Variants in KCND2 observed in about 807,000 individuals in gnomAD.
KCND2 encodes the protein potassium voltage-gated channel subfamily D member 2.
A neutral mutation model predicts 54.4 loss-of-function variants in KCND2; 16 were observed. That is an observed-to-expected ratio of 0.29 (90% CI 0.20 to 0.45). The LOEUF is 0.45. Ranked by LOEUF, KCND2 falls within the 20% of genes least tolerant of loss-of-function variation. The pLI is 1.00. For missense variants in KCND2, 486 were observed against 824.2 expected (o/e 0.59, Z 5.02); for synonymous variants, 317 against 310.7 (o/e 1.02, Z -0.21).
intron 1 of KCND2, among the ~76,000 whole-genome samples, chr7:120,309,021 A>C (rs939577968): frequency 8.5e-5 from 13 of 152,196 alleles, no homozygotes; most frequent in Admixed American, 5.9e-4. Flanking sequence ...TGGGAAATAT[A>C]TGGGCAGTGG....
At chr7:120,679,099 TCTGGTAGCCTACC>T (rs988089729) in intron 1 of KCND2, among the ~76,000 whole-genome samples, 2 of 151,886 alleles carry the variant, frequency 1.3e-5, no homozygotes, top group Non-Finnish European at 2.9e-5. Context: ...TATTATTCCA[TCTGGTAGCCTACC>T]CTGAGGCTTT....
intron 1 of KCND2, among the ~76,000 whole-genome samples, chr7:120,306,189 T>C (rs2116304665): frequency 6.6e-6 from 1 of 152,236 alleles, no homozygotes; most frequent in Middle Eastern, 3.4e-3. Flanking sequence ...CATTGTGGTA[T>C]ATATCTCAAT....
At chr7:120,423,895 C>T (rs1318858683) in intron 1 of KCND2, among the ~76,000 whole-genome samples, 1 of 152,118 alleles carries the variant, frequency 6.6e-6, no homozygotes, top group Non-Finnish European at 1.5e-5. Flanking sequence ...TCGAACAAAA[C>T]CAGATATAAA....
In KCND2 at chr7:120,280,076, A is replaced by T. The variant is rs147094126; in HGVS notation, c.1115+4329A>T. Among the ~76,000 whole-genome samples, 1,350 of 152,158 alleles carry T rather than the reference A, an allele frequency of 8.9e-3. 17 individuals are homozygous for T. The highest frequency in any genetic ancestry group is 0.03 in the African/African-American group (1,265 of 41,562). On this transcript the variant is annotated intron_variant, in intron 1 of 5. Transcript: ENST00000331113. ...AATATAAAACTCTTTAAAAGGTAGG[A>T]AGTACCAAAATTTATCTTTCTGGTG...
intron 1 of KCND2, among the ~76,000 whole-genome samples, chr7:120,480,697 A>T (rs984728840): frequency 2.0e-5 from 3 of 152,094 alleles, no homozygotes; most frequent in African/African-American, 4.8e-5. Context: ...CCATGGGATG[A>T]CTCTTGCCAG....
At chr7:120,698,664 C>G (rs1160376218) in intron 1 of KCND2, among the ~76,000 whole-genome samples, 10 of 152,174 alleles carry the variant, frequency 6.6e-5, no homozygotes, top group African/African-American at 2.4e-4. Flanking sequence ...CCTACTGGTA[C>G]TAGACTGTGT....
intron 1 of KCND2, among the ~76,000 whole-genome samples, chr7:120,585,731 C>G (rs1792589943): frequency 6.6e-6 from 1 of 152,110 alleles, no homozygotes; most frequent in South Asian, 2.1e-4. Context: ...TAAAGAGAAA[C>G]AGGATCACTG....
chr7:120,698,813 T>A (rs1489266558), intron 1 of KCND2, among the ~76,000 whole-genome samples: 1 of 152,226 alleles, frequency 6.6e-6, no homozygotes, highest in African/African-American at 2.4e-5. Flanking sequence ...ATAAATCAGC[T>A]GTGTTCTTTG....
At chr7:120,280,524 C>A (rs547421319) in intron 1 of KCND2, among the ~76,000 whole-genome samples, 1 of 132,350 alleles carries the variant, frequency 7.6e-6, no homozygotes, top group Non-Finnish European at 1.5e-5. Flanking sequence ...TACTGATAAA[C>A]TGTCTTATTT....
At chr7:120,292,855 CT>C (rs1442908135) in intron 1 of KCND2, among the ~76,000 whole-genome samples, 1 of 151,722 alleles carries the variant, frequency 6.6e-6, no homozygotes, top group Non-Finnish European at 1.5e-5. Flanking sequence ...GTCATTCAAA[CT>C]TTTGTTGTAT....
intron 1 of KCND2, among the ~76,000 whole-genome samples, chr7:120,397,442 T>G (rs1801170709): frequency 6.6e-6 from 1 of 152,028 alleles, no homozygotes; most frequent in African/African-American, 2.4e-5. Context: ...TTAGAAATCA[T>G]AAGGATTGTT....
chr7:120,591,203 T>G (rs973710965), intron 1 of KCND2, among the ~76,000 whole-genome samples: 2 of 152,194 alleles, frequency 1.3e-5, no homozygotes, highest in Admixed American at 6.5e-5. Flanking sequence ...AAACAAGTTT[T>G]TACAAATTTG....
chr7:120,462,488 A>G (rs1802297870), intron 1 of KCND2, among the ~76,000 whole-genome samples: 1 of 151,804 alleles, frequency 6.6e-6, no homozygotes, highest in Non-Finnish European at 1.5e-5. Flanking sequence ...GATATTGAAA[A>G]CCCTAACTAT....
chr7:120,549,528 T>C lies in KCND2; in HGVS notation c.1116-183375T>C, dbSNP rs73721418. ...TGCTGTAGTTTCATCTGTTATTACTTAACTGACATGTTGCTGCAAATTATA... is the reference window on the plus strand; with the variant it reads ...TGCTGTAGTTTCATCTGTTATTACTCAACTGACATGTTGCTGCAAATTATA... On this transcript the variant is annotated intron_variant, in intron 1 of 5. Coordinates refer to ENST00000331113, the MANE Select transcript of KCND2 (RefSeq NM_012281.3). Among the ~76,000 whole-genome samples the C allele has an allele frequency of 8.0e-3, 1,219 of 152,314 alleles. 18 individuals carry two copies. Among genetic ancestry groups the C allele is most frequent in the African/African-American group, 0.028 (1,147 of 41,580 alleles).
intron 1 of KCND2, among the ~76,000 whole-genome samples, chr7:120,503,299 A>G (rs1802963780): frequency 6.6e-6 from 1 of 152,094 alleles, no homozygotes; most frequent in African/African-American, 2.4e-5. Context: ...ATTAAATGCT[A>G]TGGTTAAGAT....
At chr7:120,677,526 T>G (rs1425359051) in intron 1 of KCND2, among the ~76,000 whole-genome samples, 13 of 130,036 alleles carry the variant, frequency 1.0e-4, no homozygotes, top group African/African-American at 4.3e-4. Context: ...AATATATATA[T>G]ATAGATATAG....
chr7:120,273,743 G>A lies in KCND2; in HGVS notation c.-890G>A, dbSNP rs942411500. 2.0e-5 allele frequency: 3 copies of A among 152,678 alleles called. No homozygotes were observed. The highest frequency in any genetic ancestry group is 7.2e-5 in the African/African-American group (3 of 41,452). The allele number at this position is 152,678 out of a possible 1,614,324, so 9.5% of individuals were successfully genotyped here. ...GAGGAGAAAGTCTCTATGCAACTAAGCCCCGGCGCGCACTTGGCCAGGTAT... is the reference window on the plus strand; with the variant it reads ...GAGGAGAAAGTCTCTATGCAACTAAACCCCGGCGCGCACTTGGCCAGGTAT... On this transcript the variant is annotated 5_prime_UTR_variant, in exon 1 of 6. Coordinates refer to ENST00000331113, the MANE Select transcript of KCND2 (RefSeq NM_012281.3).
At chr7:120,476,099 G>A (rs1250740164) in intron 1 of KCND2, among the ~76,000 whole-genome samples, 1 of 152,210 alleles carries the variant, frequency 6.6e-6, no homozygotes, top group Non-Finnish European at 1.5e-5. Context: ...CCCCAGCTAT[G>A]TAAGTGGTTG....
chr7:120,346,425 T>A (rs1800316859), intron 1 of KCND2, among the ~76,000 whole-genome samples: 1 of 152,190 alleles, frequency 6.6e-6, no homozygotes, highest in Non-Finnish European at 1.5e-5. Context: ...TATGAGTTAC[T>A]AATTATATTC....
Sources: gnomAD v4.1 joint callset for allele counts (sites outside exome capture counted in the v4.1 genomes callset) on GRCh38, gnomAD v4.1.1 for gene constraint, MANE v1.5 for transcripts, NCBI Gene and HGNC (gene_info 2026-07-23, HGNC 2026-07-21) for gene names.